The following RNF126 variants were observed in gnomAD, a reference collection of about 807,000 sequenced individuals.
RNF126 encodes the protein E3 ubiquitin-protein ligase RNF126.
A neutral mutation model predicts 41.9 loss-of-function variants in RNF126; 20 were observed. The ratio of observed to expected loss-of-function variants is 0.48; its 90% CI spans 0.34 to 0.69. RNF126 has a LOEUF of 0.69. Among genes scored for constraint, RNF126 ranks in the 30% least tolerant of loss-of-function variants. The pLI, the probability that RNF126 is intolerant of heterozygous loss-of-function variation, is 0.01. For missense variants in RNF126, 433 were observed against 460.6 expected, an observed-to-expected ratio of 0.94 and a Z score of 0.55; for synonymous variants, 239 against 202.9, an observed-to-expected ratio of 1.18 and a Z score of -1.51.
chr19:650,745 G>C (rs1444863617), intron 4 of RNF126, among the ~76,000 whole-genome samples: 1 of 152,008 alleles, frequency 6.6e-6, no homozygotes, highest in African/African-American at 2.4e-5. Flanking sequence ...GGCGCCCACC[G>C]CCATGCCTGG....
chr19:649,136 C>T (rs906278762), intron 6 of RNF126, 161 bp from the exon 7 acceptor site: 11 of 375,148 alleles, frequency 2.9e-5, no homozygotes, highest in East Asian at 7.9e-5. Context: ...GTGGAGCCCA[C>T]GCGGCCCCCC....
rs757190365 is a variant in RNF126, at chr19:652,099, C to T, written c.198+134G>A. ...GCGTGGGCCGCCCCAATCCCTGGCC[C>T]GGGCCCCTGGAGGGAAAAATTTCCT... On this transcript the variant is annotated intron_variant, in intron 3 of 8. Coordinates refer to ENST00000292363, the MANE Select transcript of RNF126 (RefSeq NM_194460.3). 2.0e-4 allele frequency: 162 copies of T among 820,240 alleles called. 1 individual carries two copies. Among genetic ancestry groups the T allele is most frequent in the Middle Eastern group, 7.0e-4 (2 of 2,838 alleles). The allele number at this position is 820,240 out of a possible 1,614,324, so 50.8% of individuals were successfully genotyped here. A position where few individuals can be genotyped will look rare whatever the true frequency, so the allele number is the denominator to read the frequency against.
intron 4 of RNF126, among the ~76,000 whole-genome samples, chr19:650,756 C>G (rs2030239050): frequency 6.6e-6 from 1 of 152,090 alleles, no homozygotes; most frequent in Admixed American, 6.6e-5. Flanking sequence ...CCATGCCTGG[C>G]TAATTTTTGT....
chr19:653,224 G>A (rs945578077), intron 1 of RNF126, among the ~76,000 whole-genome samples: 1 of 152,092 alleles, frequency 6.6e-6, no homozygotes, highest in Non-Finnish European at 1.5e-5. Flanking sequence ...CCTCACACAG[G>A]TGGCACCACT....
Position 663,121 on chromosome 19 carries a change from TG to T in RNF126, c.-1del, listed in dbSNP as rs988164570. 1 of 1,292,026 alleles carries T rather than the reference TG, an allele frequency of 7.7e-7. No homozygotes were observed. Among genetic ancestry groups the T allele is most frequent in the African/African-American group, 1.6e-5 (1 of 64,326 alleles). The allele number at this position is 1,292,026 out of a possible 1,614,324, so 80.0% of individuals were successfully genotyped here. On this transcript the variant is annotated 5_prime_UTR_variant, in exon 1 of 9. Coordinates refer to ENST00000292363, the MANE Select transcript of RNF126 (RefSeq NM_194460.3). ...CCGGGATGCGGCGACGCCTCGGCCA[TG>T]GCCGCCGCCACCTACTCCGCGCCGC...
chr19:656,199 G>A (rs1304564303), intron 1 of RNF126, among the ~76,000 whole-genome samples: 1 of 152,036 alleles, frequency 6.6e-6, no homozygotes, highest in Non-Finnish European at 1.5e-5. Flanking sequence ...CTGAGATAAA[G>A]CTATTAAAAT....
In RNF126 at chr19:648,149, C is replaced by T. The variant is rs374400339; in HGVS notation, c.915G>A (p.Glu305=). ...GGGCTCACGAGTTGCTTGTGGCGTT[C>T]TCGTTGCTGGGCGAGCTGGAGGAGG... ...SSSSSSSPSN[E]NATSNS Residue 305 remains glutamate, a synonymous_variant, in exon 9 of 9, where the codon GAG becomes GAA. Transcript: ENST00000292363. 6.3e-7 allele frequency: 1 copy of T among 1,597,918 alleles called. No homozygotes were observed.
chr19:658,795 C>T (rs982517813), intron 1 of RNF126, among the ~76,000 whole-genome samples: 1 of 152,222 alleles, frequency 6.6e-6, no homozygotes, highest in Non-Finnish European at 1.5e-5. Context: ...CCTTCTTCTT[C>T]CCAGGTGGCT....
intron 1 of RNF126, among the ~76,000 whole-genome samples, chr19:654,463 T>A (rs1409708046): frequency 2.5e-4 from 32 of 128,742 alleles, no homozygotes; most frequent in East Asian, 1.2e-3. Context: ...GCCAACATGG[T>A]GAAACTCTGT....
rs943641431 is a variant in RNF126 at position 656,824 on chromosome 19, G to T, written c.76-3940C>A. Among the ~76,000 whole-genome samples the T allele has an allele frequency of 3.3e-4, 50 of 152,162 alleles. 1 individual carries two copies. Among genetic ancestry groups the T allele is most frequent in the Admixed American group, 3.2e-3 (49 of 15,280 alleles). On this transcript the variant is annotated intron_variant, in intron 1 of 8. Transcript: ENST00000292363. ...GGATTGGGACGCCCCACGTAAACAC[G>T]CTGAGACTTCACAGTCAAATCTGAA...
rs533229556 is a variant in RNF126, at chr19:648,055, C to T, written c.*73G>A. The T allele has an allele frequency of 2.1e-4, 305 of 1,437,082 alleles. 4 individuals carry two copies. The African/African-American group carries it at 3.9e-3, about 18-fold the overall frequency. The allele number at this position is 1,437,082 out of a possible 1,614,324, so 89.0% of individuals were successfully genotyped here. A position where few individuals can be genotyped will look rare whatever the true frequency, so the allele number is the denominator to read the frequency against. On this transcript the variant is annotated 3_prime_UTR_variant, in exon 9 of 9. Coordinates refer to ENST00000292363, the MANE Select transcript of RNF126 (RefSeq NM_194460.3). ...GCGTGGCGCCGCCGGGGCACCCAGT[C>T]TGTGGGTGCCGTGTGGCGCTGGCTG... is the stretch of plus-strand genomic sequence containing the variant.
At chr19:654,538 G>T (rs997124153) in intron 1 of RNF126, among the ~76,000 whole-genome samples, 5 of 149,892 alleles carry the variant, frequency 3.3e-5, no homozygotes, top group Admixed American at 2.7e-4. Context: ...AGCTACTTGG[G>T]AGGCTGAGGC....
intron 1 of RNF126, among the ~76,000 whole-genome samples, chr19:662,354 G>A (rs1187402936): frequency 6.6e-6 from 1 of 152,206 alleles, no homozygotes; most frequent in Non-Finnish European, 1.5e-5. Context: ...GGTCCTCTTC[G>A]GTGAGGGGCG....
intron 1 of RNF126, among the ~76,000 whole-genome samples, chr19:662,028 G>A (rs959983196): frequency 4.6e-5 from 7 of 152,146 alleles, no homozygotes; most frequent in Non-Finnish European, 8.8e-5. Flanking sequence ...GGTTAAAAAT[G>A]CAGACCACCG....
chr19:652,271 A>AG lies in RNF126; in HGVS notation c.159dup (p.Ser54LeufsTer36). 6.4e-7 allele frequency: 1 copy of AG among 1,553,128 alleles called. No individual in the cohort carries two copies. The highest frequency in any genetic ancestry group is 8.6e-7 in the Non-Finnish European group (1 of 1,158,732). On this transcript the variant is annotated frameshift_variant, in exon 3 of 9. Transcript: ENST00000292363. LOFTEE classifies it high-confidence loss of function. The stretch of plus-strand genomic sequence containing the variant: ...CGGCTCTGGTCTGTGGGAGCTGTGG[A>AG]GGGGGCAGAACCATTTTCTGTGCTC...
At chr19:648,598 G>A in intron 7 of RNF126, 111 bp from the exon 8 acceptor site, 2 of 863,782 alleles carry the variant, frequency 2.3e-6, no homozygotes, top group Admixed American at 2.1e-5. Context: ...CCAGCGAGGG[G>A]AGAAAAGCCG....
intron 7 of RNF126, 120 bp from the exon 8 acceptor site, chr19:648,607 C>CGT: frequency 2.5e-6 from 2 of 798,652 alleles, no homozygotes; most frequent in Middle Eastern, 3.6e-4. Flanking sequence ...GGAGAAAAGC[C>CGT]GTGTGTGTGT....
Position 649,759 on chromosome 19 carries a change from AAGGT to A in RNF126, c.507-15_507-12del, listed in dbSNP as rs2030180093. 6.4e-7 allele frequency: 1 copy of A among 1,559,072 alleles called. No individual in the cohort carries two copies. The highest frequency in any genetic ancestry group is 1.4e-5 in the African/African-American group (1 of 73,374). On this transcript the variant is annotated splice_polypyrimidine_tract_variant and intron_variant, in intron 5 of 8. Coordinates refer to ENST00000292363, the MANE Select transcript of RNF126 (RefSeq NM_194460.3). ...GAGTGCAGGACTCCCCTGGAGGTGG[AAGGT>A]GGGGTTCAAGTGGCTGACGGGCAGC...
chr19:654,540 G>A (rs1032993119), intron 1 of RNF126, among the ~76,000 whole-genome samples: 1 of 148,458 alleles, frequency 6.7e-6, no homozygotes, highest in East Asian at 2.0e-4. Flanking sequence ...CTACTTGGGA[G>A]GCTGAGGCAG....
Sources: allele counts gnomAD v4.1 joint callset (sites outside exome capture counted in the v4.1 genomes callset), GRCh38; gene constraint gnomAD v4.1.1; transcripts MANE v1.5; gene names NCBI Gene and HGNC (gene_info 2026-07-23, HGNC 2026-07-21).